Variants in SIL1 observed in about 807,000 individuals in gnomAD.
SIL1 encodes nucleotide exchange factor SIL1.
In SIL1, 40 loss-of-function variants were observed where a neutral mutation model predicts 49.1. That is an observed-to-expected ratio of 0.81 (90% CI 0.63 to 1.06). SIL1 has a LOEUF of 1.06. SIL1 is among the 50% of genes least tolerant of loss of function. SIL1 has a pLI of 0.00. For missense variants in SIL1, 500 were observed against 572.6 expected, an observed-to-expected ratio of 0.87 and a Z score of 1.29; for synonymous variants, 253 against 250.8, an observed-to-expected ratio of 1.01 and a Z score of -0.08.
chr5:138,955,270 A>G (rs951297542), intron 7 of SIL1, among the ~76,000 whole-genome samples: 1 of 152,152 alleles, frequency 6.6e-6, no homozygotes, highest in Non-Finnish European at 1.5e-5. Flanking sequence ...ATGAGAATAA[A>G]CCTTGTTCAG....
intron 3 of SIL1, among the ~76,000 whole-genome samples, chr5:139,068,917 T>G (rs1374077476): frequency 1.3e-5 from 2 of 152,144 alleles, no homozygotes; most frequent in African/African-American, 4.8e-5. Context: ...CAAAATGCAC[T>G]AAAGACATTT....
In SIL1 at chr5:139,026,469, G is replaced by A. The variant is rs182914174; in HGVS notation, c.645+332C>T. On this transcript the variant is annotated intron_variant, in intron 6 of 9. Coordinates refer to ENST00000394817, the MANE Select transcript of SIL1 (RefSeq NM_022464.5). ...ATACAAAAAATTAGCTGGGCGTGGT[G>A]GTGCACACCTGTAATCCCTGTTGCT... is the stretch of plus-strand genomic sequence containing the variant. 4.6e-5 allele frequency among the ~76,000 whole-genome samples: 7 copies of A among 152,200 alleles called. No homozygotes were observed. In the East Asian group the frequency reaches 1.2e-3, roughly 25 times the overall value.
chr5:139,193,794 G>A (rs1159492708), intron 1 of SIL1, among the ~76,000 whole-genome samples: 1 of 152,120 alleles, frequency 6.6e-6, no homozygotes, highest in East Asian at 1.9e-4. Context: ...TCCCACATAC[G>A]GATATCCCTC....
At chr5:139,095,851 TAAAG>T (rs1016974131) in intron 3 of SIL1, among the ~76,000 whole-genome samples, 3 of 151,856 alleles carry the variant, frequency 2.0e-5, no homozygotes, top group Non-Finnish European at 2.9e-5. Flanking sequence ...AAAAAAAATT[TAAAG>T]AAAGAAAGAT....
rs182385303 is a variant in SIL1, at chr5:139,038,033, A to G, written c.453+4587T>C. 4.1e-4 allele frequency among the ~76,000 whole-genome samples: 62 copies of G among 152,296 alleles called. 2 individuals are homozygous for G. Among genetic ancestry groups the G allele is most frequent in the Middle Eastern group, 3.4e-3 (1 of 294 alleles). On this transcript the variant is annotated intron_variant, in intron 5 of 9. Transcript: ENST00000394817. Reference sequence around the variant, plus strand: ...CTGTGTCTTCACACGGTAGAGAGAGAGAGTACTGGTCTCTCTTATTCTTCT... The same window carrying G: ...CTGTGTCTTCACACGGTAGAGAGAGGGAGTACTGGTCTCTCTTATTCTTCT...
chr5:139,114,896 C>T (rs1429663467), intron 3 of SIL1, among the ~76,000 whole-genome samples: 1 of 152,202 alleles, frequency 6.6e-6, no homozygotes, highest in Non-Finnish European at 1.5e-5. Flanking sequence ...AGACCCCTGG[C>T]TATCCCCCTC....
At chr5:138,980,636 T>C (rs959887991) in intron 7 of SIL1, among the ~76,000 whole-genome samples, 2 of 152,168 alleles carry the variant, frequency 1.3e-5, no homozygotes, top group African/African-American at 4.8e-5. Context: ...CACACATATA[T>C]GGAGTTGCCT....
At chr5:139,109,238 T>C (rs1770791200) in intron 3 of SIL1, among the ~76,000 whole-genome samples, 1 of 152,180 alleles carries the variant, frequency 6.6e-6, no homozygotes, top group African/African-American at 2.4e-5. Flanking sequence ...ATGCTAACCA[T>C]CTTTAGGGAA....
At chr5:139,095,995 G>T (rs187677143) in intron 3 of SIL1, among the ~76,000 whole-genome samples, 46 of 152,314 alleles carry the variant, frequency 3.0e-4, no homozygotes, top group Admixed American at 6.5e-4. Context: ...AAAATCAGGT[G>T]AGCATTCACA....
At chr5:139,025,130 G>A (rs1180864333) in intron 6 of SIL1, among the ~76,000 whole-genome samples, 4 of 152,148 alleles carry the variant, frequency 2.6e-5, no homozygotes, top group African/African-American at 4.8e-5. Context: ...GTTCATAGAC[G>A]TATCTCAAGT....
intron 3 of SIL1, 140 bp downstream of exon 3, chr5:139,120,895 G>A: frequency 9.6e-7 from 1 of 1,040,614 alleles, no homozygotes; most frequent in Non-Finnish European, 1.4e-6. Context: ...TGCAGCAGCA[G>A]CTACCACTCT....
At chr5:139,010,481 T>A (rs1768230918) in intron 7 of SIL1, among the ~76,000 whole-genome samples, 1 of 152,252 alleles carries the variant, frequency 6.6e-6, no homozygotes, top group Non-Finnish European at 1.5e-5. Flanking sequence ...TCATTCTCCA[T>A]CCAGCTTTGT....
chr5:139,046,729 T>C (rs1352761595), intron 4 of SIL1, among the ~76,000 whole-genome samples: 2 of 152,260 alleles, frequency 1.3e-5, no homozygotes, highest in African/African-American at 4.8e-5. Context: ...CTAGTCAAGC[T>C]ACATGGCTGT....
intron 3 of SIL1, among the ~76,000 whole-genome samples, chr5:139,114,944 C>A (rs1459694753): frequency 6.6e-6 from 1 of 152,220 alleles, no homozygotes; most frequent in Non-Finnish European, 1.5e-5. Context: ...GCTAAGAAGT[C>A]CCACTGTCAC....
chr5:139,138,449 C>A (rs781637085), intron 1 of SIL1, among the ~76,000 whole-genome samples: 6 of 152,128 alleles, frequency 3.9e-5, no homozygotes, highest in Non-Finnish European at 5.9e-5. Flanking sequence ...GATCCTTGAC[C>A]CTGCCTGAGG....
intron 7 of SIL1, among the ~76,000 whole-genome samples, chr5:139,009,396 T>G (rs1452588875): frequency 6.7e-6 from 1 of 148,536 alleles, no homozygotes; most frequent in African/African-American, 2.5e-5. Flanking sequence ...AGCACACTGA[T>G]GGGTCTTGAC....
intron 7 of SIL1, among the ~76,000 whole-genome samples, chr5:138,997,223 C>A (rs1297047079): frequency 6.6e-6 from 1 of 152,236 alleles, no homozygotes; most frequent in African/African-American, 2.4e-5. Context: ...AGCCACCACA[C>A]CTGGTTTCCA....
At chr5:139,080,106 G>A (rs1287338984) in intron 3 of SIL1, among the ~76,000 whole-genome samples, 6 of 152,194 alleles carry the variant, frequency 3.9e-5, no homozygotes, top group East Asian at 1.9e-4. Context: ...GCAATAGACC[G>A]TGAATGATGT....
chr5:138,951,977 G>A, intron 7 of SIL1, 93 bp from the exon 8 acceptor site: 1 of 1,153,136 alleles, frequency 8.7e-7, no homozygotes, highest in East Asian at 2.3e-5. Context: ...TCCCTGGGGA[G>A]AAACAAGAAC....
Sources: allele counts gnomAD v4.1 joint callset (sites outside exome capture counted in the v4.1 genomes callset), GRCh38; gene constraint gnomAD v4.1.1; transcripts MANE v1.5; gene names NCBI Gene and HGNC (gene_info 2026-07-23, HGNC 2026-07-21).